Variants in UBE2Z observed in about 807,000 individuals in gnomAD.
UBE2Z encodes ubiquitin-conjugating enzyme E2 Z.
UBE2Z carries 10 observed loss-of-function variants against 32.6 expected under a neutral mutation model. The observed-to-expected ratio is 0.31, with a 90% confidence interval of 0.19 to 0.52. UBE2Z has a LOEUF of 0.52. UBE2Z is among the 20% of genes least tolerant of loss of function. UBE2Z has a pLI of 0.97. For synonymous variants in UBE2Z, 183 were observed against 190.8 expected (o/e 0.96, Z 0.34); for missense variants, 343 against 480.9 (o/e 0.71, Z 2.68).
chr17:48,916,347 C>A (rs1348381350), intron 4 of UBE2Z, among the ~76,000 whole-genome samples, 160 bp downstream of exon 4: 1 of 148,326 alleles, frequency 6.7e-6, no homozygotes, highest in Non-Finnish European at 1.5e-5. Flanking sequence ...CCTCCGCCTC[C>A]CGGGTTCAAG....
intron 6 of UBE2Z, 188 bp downstream of exon 6, chr17:48,923,125 T>C (rs1044135673): frequency 2.4e-5 from 11 of 459,028 alleles, no homozygotes; most frequent in Middle Eastern, 6.4e-4. Context: ...ATTGAGACCA[T>C]CCTGGCTAAC....
intron 6 of UBE2Z, among the ~76,000 whole-genome samples, chr17:48,926,474 CTTTT>C (rs35895407): frequency 0.42 from 57,392 of 137,060 alleles, 13,442 homozygotes; most frequent in East Asian, 0.7. Flanking sequence ...GTAAGAGTGT[CTTTT>C]TTTTTTTTTT....
At chr17:48,926,431 T>C (rs1214842126) in intron 6 of UBE2Z, among the ~76,000 whole-genome samples, 1 of 152,064 alleles carries the variant, frequency 6.6e-6, no homozygotes, top group African/African-American at 2.4e-5. Flanking sequence ...CAATACATTT[T>C]CACTCTAGCC....
chr17:48,910,688 C>A, intron 1 of UBE2Z, 120 bp from the exon 2 acceptor site: 1 of 786,334 alleles, frequency 1.3e-6, no homozygotes, highest in Non-Finnish European at 2.3e-6. Flanking sequence ...ACTTGCGGTA[C>A]CAAGCACCAC....
chr17:48,923,703 G>A (rs2040779092), intron 6 of UBE2Z, among the ~76,000 whole-genome samples: 1 of 151,054 alleles, frequency 6.6e-6, no homozygotes, highest in Admixed American at 6.6e-5. Context: ...AAGTCATAGG[G>A]AACTCTTTAC....
In UBE2Z at chr17:48,910,819, C is replaced by G; in HGVS notation, c.329C>G (p.Ser110Cys). 1 of 1,613,032 alleles carries G rather than the reference C, an allele frequency of 6.2e-7. No individual in the cohort carries two copies. The highest frequency in any genetic ancestry group is 1.3e-5 in the African/African-American group (1 of 74,944). ...CLLRIKRDIM[S>C]IYKEPPPGMF... Reference sequence around the variant, plus strand: ...TTGGTGTTATACAGGGATATCATGTCCATTTATAAGGAGCCTCCTCCAGGA... The same window carrying G: ...TTGGTGTTATACAGGGATATCATGTGCATTTATAAGGAGCCTCCTCCAGGA... Residue 110 changes from serine to cysteine, a missense_variant, in exon 2 of 7, where the codon TCC becomes TGC. By Grantham distance (112) the Ser-to-Cys change is moderately radical. Coordinates refer to ENST00000360943, the MANE Select transcript of UBE2Z (RefSeq NM_023079.5).
intron 2 of UBE2Z, 39 bp downstream of exon 2, chr17:48,910,919 T>G (rs1395684908): frequency 6.7e-7 from 1 of 1,502,178 alleles, no homozygotes; most frequent in Admixed American, 1.7e-5. Flanking sequence ...TTTTGGGAAA[T>G]TGGGGGCCAT....
At chr17:48,921,584 G>A (rs916675282) in intron 5 of UBE2Z, among the ~76,000 whole-genome samples, 4 of 152,196 alleles carry the variant, frequency 2.6e-5, no homozygotes, top group Admixed American at 6.5e-5. Context: ...ATTTCTTAGT[G>A]CTGAAGTTAT....
rs190680806 is a variant in UBE2Z, at chr17:48,913,644, T to C, written c.578+623T>C. 5.0e-3 allele frequency among the ~76,000 whole-genome samples: 768 copies of C among 152,272 alleles called. 12 individuals are homozygous for C. Among genetic ancestry groups the C allele is most frequent in the African/African-American group, 0.018 (737 of 41,570 alleles). ...CTGGGATTAGAGGCATGAGCCACCG[T>C]GCCCGGCCCAGAAATCTGTTTTTTA... On this transcript the variant is annotated intron_variant, in intron 3 of 6. Transcript: ENST00000360943.
chr17:48,916,250 G>GT lies in UBE2Z; in HGVS notation c.690+70dup, dbSNP rs1234372680. ...TTGTTTTTGTTTGTTTGGTTGGTTGGTTTTTTTGTTTTTTTTTTTTTTTGA... is the reference window on the plus strand; with the variant it reads ...TTGTTTTTGTTTGTTTGGTTGGTTGGTTTTTTTTGTTTTTTTTTTTTTTTGA... On this transcript the variant is annotated intron_variant, in intron 4 of 6. Transcript: ENST00000360943. 3.8e-4 allele frequency: 196 copies of GT among 517,674 alleles called. 1 individual carries two copies. Among genetic ancestry groups the GT allele is most frequent in the African/African-American group, 1.0e-3 (51 of 50,878 alleles). 32.1% of individuals were successfully genotyped at this position (517,674 alleles called of 1,614,324 possible). A position where few individuals can be genotyped will look rare whatever the true frequency, so the allele number is the denominator to read the frequency against.
At chr17:48,909,403 C>T (rs1387823252) in intron 1 of UBE2Z, among the ~76,000 whole-genome samples, 1 of 152,050 alleles carries the variant, frequency 6.6e-6, no homozygotes, top group Admixed American at 6.6e-5. Flanking sequence ...CCCAATCTTT[C>T]CTTGAACCCC....
intron 6 of UBE2Z, 76 bp from the exon 7 acceptor site, chr17:48,926,888 T>C (rs954264164): frequency 1.4e-6 from 2 of 1,475,910 alleles, no homozygotes; most frequent in South Asian, 1.3e-5. Flanking sequence ...TCATTTCACA[T>C]GGGCCCGAAG....
At position 48,908,619 on chromosome 17, in the gene UBE2Z, C is replaced by T; in HGVS notation, c.116C>T (p.Pro39Leu). Residue 39 changes from proline to leucine, a missense_variant, in exon 1 of 7, where the codon CCG becomes CTG. Physicochemically the swap from Pro to Leu is moderately conservative, Grantham distance 98. Coordinates refer to ENST00000360943, the MANE Select transcript of UBE2Z (RefSeq NM_023079.5). ...GVSGSGGGFG[P>L]PFLPDVWAAA... Reference sequence around the variant, plus strand: ...AGCGGCAGCGGCGGCGGGTTCGGGCCGCCTTTCCTGCCGGATGTGTGGGCG... The same window carrying T: ...AGCGGCAGCGGCGGCGGGTTCGGGCTGCCTTTCCTGCCGGATGTGTGGGCG... The T allele has an allele frequency of 8.1e-7, 1 of 1,234,978 alleles. No homozygotes were observed. The highest frequency in any genetic ancestry group is 1.0e-6 in the Non-Finnish European group (1 of 986,772). The allele number at this position is 1,234,978 out of a possible 1,614,324, so 76.5% of individuals were successfully genotyped here. A position where few individuals can be genotyped will look rare whatever the true frequency, so the allele number is the denominator to read the frequency against.
At chr17:48,918,266 A>G (rs2040734423) in intron 4 of UBE2Z, among the ~76,000 whole-genome samples, 1 of 152,124 alleles carries the variant, frequency 6.6e-6, no homozygotes, top group Non-Finnish European at 1.5e-5. Flanking sequence ...ACTATTACAT[A>G]TGACACCAAC....
chr17:48,916,586 T>G (rs202053525), intron 4 of UBE2Z, among the ~76,000 whole-genome samples: 3 of 148,930 alleles, frequency 2.0e-5, no homozygotes, highest in South Asian at 2.1e-4. Context: ...TGGGAGGTTT[T>G]TTTTGTTTTG....
rs1367512539 is a variant in UBE2Z, at chr17:48,908,998, C to T, written c.317+178C>T. ...GGGATCCAACTCCCTTCTCCCCCCA[C>T]CCTCAGACCCGCAAGCACCAACCCC... On this transcript the variant is annotated intron_variant, in intron 1 of 6. Coordinates refer to ENST00000360943, the MANE Select transcript of UBE2Z (RefSeq NM_023079.5). 33 of 344,650 alleles carry T rather than the reference C, an allele frequency of 9.6e-5. No individual in the cohort carries two copies. In the East Asian group the frequency reaches 1.9e-3, roughly 20 times the overall value. The allele number at this position is 344,650 out of a possible 1,614,324, so 21.3% of individuals were successfully genotyped here. A position where few individuals can be genotyped will look rare whatever the true frequency, so the allele number is the denominator to read the frequency against.
At chr17:48,920,705 A>C (rs982996849) in intron 4 of UBE2Z, among the ~76,000 whole-genome samples, 1 of 152,102 alleles carries the variant, frequency 6.6e-6, no homozygotes, top group African/African-American at 2.4e-5. Context: ...TCCAAAAAGA[A>C]AAACTGAAAA....
intron 6 of UBE2Z, among the ~76,000 whole-genome samples, chr17:48,923,851 G>A (rs2040780251): frequency 6.6e-6 from 1 of 151,730 alleles, no homozygotes; most frequent in South Asian, 2.1e-4. Context: ...TCCCACCTCA[G>A]CCTCCCAAGC....
intron 4 of UBE2Z, among the ~76,000 whole-genome samples, chr17:48,917,871 G>A (rs1221321386): frequency 1.3e-5 from 2 of 152,252 alleles, no homozygotes; most frequent in South Asian, 2.1e-4. Context: ...TCATGAGCAC[G>A]GGAAAAAGTT....
Sources: allele counts gnomAD v4.1 joint callset (sites outside exome capture counted in the v4.1 genomes callset), GRCh38; gene constraint gnomAD v4.1.1; transcripts MANE v1.5; gene names NCBI Gene and HGNC (gene_info 2026-07-23, HGNC 2026-07-21).